ITGB2: variants seen among roughly 807,000 people sequenced by gnomAD.
ITGB2 encodes integrin subunit beta 2.
Under a neutral mutation model 86.8 loss-of-function variants are expected in ITGB2, and 56 were observed. The observed-to-expected ratio is 0.65, with a 90% CI of 0.52 to 0.81. The LOEUF (loss-of-function observed/expected upper bound fraction) is 0.81. Among genes scored for constraint, ITGB2 ranks in the 30% least tolerant of loss-of-function variants. The probability of loss-of-function intolerance (pLI) is 0.00; values close to 1 mark genes in which losing one functional copy is unlikely to be tolerated. For synonymous variants in ITGB2, 457 were observed against 450.4 expected (o/e 1.01, Z -0.19); for missense variants, 948 against 1,061.2 (o/e 0.89, Z 1.48).
chr21:44,916,628 G>A (rs1185774192), intron 1 of ITGB2, among the ~76,000 whole-genome samples: 1 of 152,168 alleles, frequency 6.6e-6, no homozygotes, highest in Non-Finnish European at 1.5e-5. Flanking sequence ...AGCACTTTGG[G>A]AGGCTGAGGC....
rs1454647556 is a variant in ITGB2 at position 44,892,052 on chromosome 21, A to G, written c.1225-56T>C. The G allele has an allele frequency of 4.5e-6, 7 of 1,563,052 alleles. No individual in the cohort carries two copies. The African/African-American group carries it at 9.5e-5, about 21-fold the overall frequency. ...CCCTCGGTGGCCAGGGTGGCAGCCCAGCTCCCAACCCTCACCTCCTGGCCT... is the reference window on the plus strand; with the variant it reads ...CCCTCGGTGGCCAGGGTGGCAGCCCGGCTCCCAACCCTCACCTCCTGGCCT... On this transcript the variant is annotated intron_variant, in intron 10 of 15. Coordinates refer to ENST00000652462, the MANE Select transcript of ITGB2 (RefSeq NM_000211.5).
In ITGB2 at chr21:44,886,420, AG is replaced by A; in HGVS notation, c.2257del (p.Leu753PhefsTer10). ...LKSQWNNDNP[L>X]FKSATTTVMN... ...GACCGTCGTGGTGGCGCTCTTGAAAAGGGGATTATCCTGGTGGGAAATGCAA... is the reference window on the plus strand; with the variant it reads ...GACCGTCGTGGTGGCGCTCTTGAAAAGGGATTATCCTGGTGGGAAATGCAA... On this transcript the variant is annotated frameshift_variant, in exon 16 of 16. Transcript: ENST00000652462. LOFTEE classifies it high-confidence loss of function. 1 of 1,614,122 alleles carries A rather than the reference AG, an allele frequency of 6.2e-7. No individual in the cohort carries two copies. Among genetic ancestry groups the A allele is most frequent in the Non-Finnish European group, 8.5e-7 (1 of 1,179,988 alleles).
At chr21:44,901,081 T>C (rs979577164) in intron 6 of ITGB2, among the ~76,000 whole-genome samples, 1 of 151,998 alleles carries the variant, frequency 6.6e-6, no homozygotes, top group Non-Finnish European at 1.5e-5. Context: ...ACAAACTGGG[T>C]GGGCGGGACG....
chr21:44,890,486 T>C (rs2083771207), intron 11 of ITGB2, among the ~76,000 whole-genome samples: 1 of 152,188 alleles, frequency 6.6e-6, no homozygotes, highest in South Asian at 2.1e-4. Flanking sequence ...AGGCTCACTG[T>C]GGAGCTGTGT....
intron 1 of ITGB2, among the ~76,000 whole-genome samples, chr21:44,920,225 G>A (rs184720898): frequency 1.1e-4 from 17 of 151,892 alleles, no homozygotes; most frequent in African/African-American, 3.4e-4. Flanking sequence ...GCGCACACTC[G>A]CACACCATAC....
chr21:44,889,402 T>C lies in ITGB2; in HGVS notation c.1751A>G (p.Asn584Ser). The change falls in exon 13 of 16, where the codon AAC becomes AGC. Residue 584 changes from asparagine to serine, a missense_variant. Transcript: ENST00000652462. The part of the protein sequence containing the change: ...QCERTTEGCL[N>S]PRRVECSGRG... ...ACCACTACACTCAACACGCCGCGGG[T>C]TCAGGCAGCCCTCAGTGGTCCTCTC... The C allele has an allele frequency of 6.2e-7, 1 of 1,612,454 alleles. No individual in the cohort carries two copies.
chr21:44,919,247 C>T (rs867821102), intron 1 of ITGB2, among the ~76,000 whole-genome samples: 2 of 152,192 alleles, frequency 1.3e-5, no homozygotes, highest in African/African-American at 2.4e-5. Flanking sequence ...GCCCTGGGGC[C>T]GAGGCATGGG....
intron 15 of ITGB2, 87 bp from the exon 16 acceptor site, chr21:44,886,517 G>A (rs749895294): frequency 1.3e-6 from 2 of 1,486,736 alleles, no homozygotes; most frequent in Middle Eastern, 1.7e-4. Flanking sequence ...CCGCATGGAA[G>A]CCGTCACTTT....
intron 2 of ITGB2, 98 bp from the exon 3 acceptor site, chr21:44,910,470 C>T: frequency 1.3e-6 from 2 of 1,588,722 alleles, no homozygotes; most frequent in East Asian, 2.3e-5. Context: ...CCCAAAAAGA[C>T]AGGGAGGCAG....
intron 1 of ITGB2, among the ~76,000 whole-genome samples, chr21:44,926,581 A>C (rs1284231242): frequency 6.6e-6 from 1 of 152,186 alleles, no homozygotes; most frequent in Non-Finnish European, 1.5e-5. Flanking sequence ...GTTGATCCCA[A>C]GCTAGGACTG....
intron 6 of ITGB2, 131 bp downstream of exon 6, chr21:44,901,361 T>C: frequency 8.4e-7 from 1 of 1,186,872 alleles, no homozygotes. Flanking sequence ...GAGGAGCTGC[T>C]CTCCCCAGGC....
intron 3 of ITGB2, chr21:44,908,068 T>C (rs1179933791): frequency 1.4e-6 from 1 of 717,836 alleles, no homozygotes; most frequent in Non-Finnish European, 2.6e-6. Context: ...CCAAGGTAGT[T>C]TCCACCTGGG....
intron 13 of ITGB2, 29 bp from the exon 14 acceptor site, chr21:44,888,924 G>A (rs1199643536): frequency 2.5e-6 from 4 of 1,590,852 alleles, no homozygotes; most frequent in East Asian, 2.3e-5. Context: ...GAGCATCGGT[G>A]CCAGGGTGTG....
intron 13 of ITGB2, 148 bp downstream of exon 13, chr21:44,889,128 C>T: frequency 2.6e-6 from 2 of 784,002 alleles, no homozygotes; most frequent in Non-Finnish European, 4.2e-6. Flanking sequence ...GGCACGGCGG[C>T]CGCGGAGGGC....
upstream of ITGB2, among the ~76,000 whole-genome samples, chr21:44,921,699 TTTTA>T (rs756407678): frequency 1.3e-5 from 2 of 152,152 alleles, no homozygotes; most frequent in Admixed American, 6.5e-5. Flanking sequence ...CTAAACTCTG[TTTTA>T]TTTATTTATT....
At chr21:44,895,980 T>C (rs2146513927) in intron 8 of ITGB2, among the ~76,000 whole-genome samples, 1 of 152,306 alleles carries the variant, frequency 6.6e-6, no homozygotes, top group Non-Finnish European at 1.5e-5. Context: ...TGCAGCATTG[T>C]CCAGGCCTGC....
At position 44,904,904 on chromosome 21, in the gene ITGB2, G is replaced by T. The variant is rs1462088274; in HGVS notation, c.329-1369C>A. On this transcript the variant is annotated intron_variant, in intron 4 of 15. Transcript: ENST00000652462. ...CCCACATTCACACCCGGCACTCCTG[G>T]CCCTGGCCCTCGCCCTGCTGTGCCT... Among the ~76,000 whole-genome samples the T allele has an allele frequency of 3.3e-5, 5 of 152,254 alleles. No individual in the cohort carries two copies. In the East Asian group the frequency reaches 9.6e-4, roughly 29 times the overall value.
intron 1 of ITGB2, among the ~76,000 whole-genome samples, chr21:44,913,641 G>GTCC (rs931455734): frequency 2.4e-4 from 36 of 152,236 alleles, no homozygotes; most frequent in African/African-American, 8.4e-4. Context: ...GGGGATGAAG[G>GTCC]TCCGCTCCAG....
Position 44,900,455 on chromosome 21 carries a change from G to A in ITGB2, c.762C>T (p.Asn254=), listed in dbSNP as rs749472241. ...TGGCAAACACCAGCAGCCGCGTGAC[G>A]TTGCGCCAGCCGATTTCCTCCTGAG... The part of the protein sequence containing the change: ...AACPEEIGWR[N]VTRLLVFATD... The change falls in exon 7 of 16, where the codon AAC becomes AAT. Residue 254 remains asparagine, a synonymous_variant. Coordinates refer to ENST00000652462, the MANE Select transcript of ITGB2 (RefSeq NM_000211.5). 55 of 1,613,840 alleles carry A rather than the reference G, an allele frequency of 3.4e-5. No individual in the cohort carries two copies. The Middle Eastern group carries it at 1.3e-3, about 39-fold the overall frequency.
Sources: allele counts gnomAD v4.1 joint callset (sites outside exome capture counted in the v4.1 genomes callset), GRCh38; gene constraint gnomAD v4.1.1; transcripts MANE v1.5; gene names NCBI Gene and HGNC (gene_info 2026-07-23, HGNC 2026-07-21).